The following ZFAND2B variants were observed in gnomAD, a reference collection of about 807,000 sequenced individuals.
The protein encoded by ZFAND2B is AN1-type zinc finger protein 2B.
A neutral mutation model predicts 38.2 loss-of-function variants in ZFAND2B; 27 were observed. The observed-to-expected ratio is 0.71, with a 90% CI of 0.52 to 0.97. The LOEUF is 0.97. Ranked by LOEUF, ZFAND2B falls within the 50% of genes least tolerant of loss-of-function variation. The pLI is 0.00. For synonymous variants in ZFAND2B, 111 were observed against 119.4 expected (o/e 0.93, Z 0.46); for missense variants, 303 against 331.5 (o/e 0.91, Z 0.67).
At position 219,208,262 on chromosome 2, in the gene ZFAND2B, T is replaced by A. The variant is rs1370952231; in HGVS notation, c.441T>A (p.Ala147=). 9 of 1,614,216 alleles carry A rather than the reference T, an allele frequency of 5.6e-6. No homozygotes were observed. Among genetic ancestry groups the A allele is most frequent in the Non-Finnish European group, 7.6e-6 (9 of 1,180,042 alleles). The change falls in exon 5 of 9, where the codon GCT becomes GCA. Residue 147 remains alanine (A), a synonymous_variant. Transcript: ENST00000289528. ...AAATCTCTCTTCCCTACAGACTTGC[T>A]GCCATCTCCAGAGCACAAGCTGTGG... The part of the protein sequence containing the change: ...EGHPTSRAGL[A]AISRAQAVAS...
Position 219,206,791 on chromosome 2 carries a change from C to CCG in ZFAND2B, c.-189_-188dup. 2 of 483,354 alleles carry CCG rather than the reference C, an allele frequency of 4.1e-6. No individual in the cohort carries two copies. The highest frequency in any genetic ancestry group is 7.0e-6 in the Non-Finnish European group (2 of 287,702). The allele number at this position is 483,354 out of a possible 1,614,324, so 29.9% of individuals were successfully genotyped here. A position where few individuals can be genotyped will look rare whatever the true frequency, so the allele number is the denominator to read the frequency against. The stretch of plus-strand genomic sequence containing the variant: ...AGCCCTGCGGGATGACGTCAGCGCG[C>CCG]CGCGCGCGCCGAGGGAGGAGCGGGC... On this transcript the variant is annotated 5_prime_UTR_variant, in exon 1 of 9. Coordinates refer to ENST00000289528, the MANE Select transcript of ZFAND2B (RefSeq NM_138802.3).
chr2:219,207,241 C>T lies in ZFAND2B; in HGVS notation c.56-86C>T, dbSNP rs536175952. 3.7e-3 allele frequency: 5,492 copies of T among 1,477,180 alleles called. 20 individuals carry two copies. The highest frequency in any genetic ancestry group is 0.01 in the South Asian group (916 of 88,242). The allele number at this position is 1,477,180 out of a possible 1,614,324, so 91.5% of individuals were successfully genotyped here. A position where few individuals can be genotyped will look rare whatever the true frequency, so the allele number is the denominator to read the frequency against. ...GGGCGGTGTGTCGAAAATAGGGTGG[C>T]GTTTTCCTTCCCGAGTGGAAGACTT... On this transcript the variant is annotated intron_variant, in intron 1 of 8. Transcript: ENST00000289528.
Position 219,207,692 on chromosome 2 carries a change from T to G in ZFAND2B, c.195T>G (p.Pro65=). 1.9e-6 allele frequency: 3 copies of G among 1,614,212 alleles called. No homozygotes were observed. Among genetic ancestry groups the G allele is most frequent in the Non-Finnish European group, 2.5e-6 (3 of 1,180,036 alleles). The change falls in exon 3 of 9, where the codon CCT becomes CCG. Residue 65 remains proline (P), a synonymous_variant. Transcript: ENST00000289528. ...PVCPLCNVPV[P]VARGEPPDRA... Reference sequence around the variant, plus strand: ...GCCCTCTCTGTAATGTGCCTGTGCCTGTGGCCAGAGGGGAGCCCCCTGACC... The same window carrying G: ...GCCCTCTCTGTAATGTGCCTGTGCCGGTGGCCAGAGGGGAGCCCCCTGACC...
intron 1 of ZFAND2B, 128 bp from the exon 2 acceptor site, chr2:219,207,199 G>A: frequency 7.2e-7 from 1 of 1,382,162 alleles, no homozygotes. Context: ...GGCCAAGGAG[G>A]TAATGGGCTT....
At position 219,207,712 on chromosome 2, in the gene ZFAND2B, CT is replaced by C. The variant is rs751687459; in HGVS notation, c.216del (p.Asp73ThrfsTer38). 6 of 1,614,068 alleles carry C rather than the reference CT, an allele frequency of 3.7e-6. No homozygotes were observed. In the Admixed American group the frequency reaches 5.0e-5, roughly 13 times the overall value. On this transcript the variant is annotated frameshift_variant, in exon 3 of 9. Transcript: ENST00000289528. LOFTEE classifies it high-confidence loss of function. Reference protein sequence around the residue: ...VPVPVARGEPPDRAVGEHIDR... With the variant: ...VPVPVARGEPXDRAVGEHIDR... ...GTGCCTGTGGCCAGAGGGGAGCCCC[CT>C]GACCGTGCTGTGGGAGAGCACATTG...
chr2:219,206,899 G>C lies in ZFAND2B; in HGVS notation c.-89G>C. The C allele has an allele frequency of 3.5e-6, 5 of 1,435,306 alleles. No individual in the cohort carries two copies. The highest frequency in any genetic ancestry group is 1.2e-5 in the South Asian group (1 of 81,582). The allele number at this position is 1,435,306 out of a possible 1,614,324, so 88.9% of individuals were successfully genotyped here. A position where few individuals can be genotyped will look rare whatever the true frequency, so the allele number is the denominator to read the frequency against. On this transcript the variant is annotated 5_prime_UTR_variant, in exon 1 of 9. Coordinates refer to ENST00000289528, the MANE Select transcript of ZFAND2B (RefSeq NM_138802.3). ...GGGGCGGGGCAGGGAGCCCGCCAGAGTGCGGGGTCGCGGTGCGGACTTCGA... is the reference window on the plus strand; with the variant it reads ...GGGGCGGGGCAGGGAGCCCGCCAGACTGCGGGGTCGCGGTGCGGACTTCGA...
rs747282133 is a variant in ZFAND2B at position 219,207,063 on chromosome 2, G to T, written c.55+21G>T. On this transcript the variant is annotated intron_variant, in intron 1 of 8. Coordinates refer to ENST00000289528, the MANE Select transcript of ZFAND2B (RefSeq NM_138802.3). Reference sequence around the variant, plus strand: ...CTTGGGTGAGGGGCGGAGCGCGCGGGGGGCGGGGCCCAGCGGACAGGGACT... The same window carrying T: ...CTTGGGTGAGGGGCGGAGCGCGCGGTGGGCGGGGCCCAGCGGACAGGGACT... 1.9e-5 allele frequency: 31 copies of T among 1,591,544 alleles called. 1 individual carries two copies. The highest frequency in any genetic ancestry group is 2.6e-5 in the Non-Finnish European group (30 of 1,169,098).
intron 3 of ZFAND2B, 36 bp downstream of exon 3, chr2:219,207,815 G>A (rs200730869): frequency 2.1e-4 from 333 of 1,613,434 alleles, no homozygotes; most frequent in Non-Finnish European, 2.7e-4. Flanking sequence ...ACCCAGCTGG[G>A]ACTACGGATG....
intron 1 of ZFAND2B, 93 bp from the exon 2 acceptor site, chr2:219,207,215 GGGGCGGTGTGTCGAAAATA>G (rs1298937322): frequency 2.8e-6 from 4 of 1,403,600 alleles, no homozygotes; most frequent in Non-Finnish European, 4.0e-6. Flanking sequence ...GGCTTGGGAA[GGGGCGGTGTGTCGAAAATA>G]GGGTGGCGTT....
At position 219,206,947 on chromosome 2, in the gene ZFAND2B, G is replaced by C. The variant is rs1950492175; in HGVS notation, c.-41G>C. The C allele has an allele frequency of 1.9e-6, 3 of 1,608,760 alleles. No individual in the cohort carries two copies. Among genetic ancestry groups the C allele is most frequent in the East Asian group, 2.2e-5 (1 of 44,640 alleles). ...CGAGCACGAGCCCTAAAGACGCTCAGCACTCGTCGCTTCTCCTAGCAGACC... is the reference window on the plus strand; with the variant it reads ...CGAGCACGAGCCCTAAAGACGCTCACCACTCGTCGCTTCTCCTAGCAGACC... On this transcript the variant is annotated 5_prime_UTR_variant, in exon 1 of 9. Coordinates refer to ENST00000289528, the MANE Select transcript of ZFAND2B (RefSeq NM_138802.3).
rs2106417735 is a variant in ZFAND2B at position 219,208,972 on chromosome 2, C to T, written c.657-5C>T. ...CATCCAACTTAAACTGTTTCTCCCT[C>T]CCAGTTGTCAGGAGGAAGAAGACCT... On this transcript the variant is annotated splice_polypyrimidine_tract_variant and splice_region_variant and intron_variant, in intron 7 of 8. Transcript: ENST00000289528. 2 of 1,614,108 alleles carry T rather than the reference C, an allele frequency of 1.2e-6. No individual in the cohort carries two copies. The highest frequency in any genetic ancestry group is 3.3e-5 in the Admixed American group (2 of 60,016).
chr2:219,208,849 G>A, intron 7 of ZFAND2B, 128 bp from the exon 8 acceptor site: 2 of 1,108,272 alleles, frequency 1.8e-6, no homozygotes, highest in East Asian at 2.4e-5. Flanking sequence ...TACCCACCTT[G>A]TAGTGTTGCT....
At position 219,206,904 on chromosome 2, in the gene ZFAND2B, G is replaced by A. The variant is rs933507549; in HGVS notation, c.-84G>A. 155 of 1,462,046 alleles carry A rather than the reference G, an allele frequency of 1.1e-4. No homozygotes were observed. The highest frequency in any genetic ancestry group is 1.4e-4 in the Non-Finnish European group (145 of 1,066,810). 90.6% of individuals were successfully genotyped at this position (1,462,046 alleles called of 1,614,324 possible). Reference sequence around the variant, plus strand: ...GGGGCAGGGAGCCCGCCAGAGTGCGGGGTCGCGGTGCGGACTTCGAGCACG... The same window carrying A: ...GGGGCAGGGAGCCCGCCAGAGTGCGAGGTCGCGGTGCGGACTTCGAGCACG... On this transcript the variant is annotated 5_prime_UTR_variant, in exon 1 of 9. Coordinates refer to ENST00000289528, the MANE Select transcript of ZFAND2B (RefSeq NM_138802.3).
Position 219,208,280 on chromosome 2 carries a change from A to G in ZFAND2B, c.459A>G (p.Gln153=), listed in dbSNP as rs1275630601. 4 of 1,614,194 alleles carry G rather than the reference A, an allele frequency of 2.5e-6. No homozygotes were observed. In the African/African-American group the frequency reaches 4.0e-5, roughly 16 times the overall value. The change falls in exon 5 of 9, where the codon CAA becomes CAG. Residue 153 remains glutamine, a synonymous_variant. Transcript: ENST00000289528. ...RAGLAAISRA[Q]AVASTSTVPS... is the part of the protein sequence containing the mutation. ...GACTTGCTGCCATCTCCAGAGCACA[A>G]GCTGTGGCTTCTACAAGCACTGTCC...
At chr2:219,208,093 C>G (rs1233227732) in intron 4 of ZFAND2B, 55 bp downstream of exon 4, 53 of 1,612,306 alleles carry the variant, frequency 3.3e-5, no homozygotes, top group Non-Finnish European at 4.1e-5. Flanking sequence ...TTGGAACTGA[C>G]TCAAGCTCTG....
chr2:219,207,053 G>T lies in ZFAND2B; in HGVS notation c.55+11G>T. The T allele has an allele frequency of 6.3e-7, 1 of 1,598,558 alleles. No homozygotes were observed. Among genetic ancestry groups the T allele is most frequent in the Non-Finnish European group, 8.5e-7 (1 of 1,172,922 alleles). ...GCTGTCAGCGCTTGGGTGAGGGGCG[G>T]AGCGCGCGGGGGGCGGGGCCCAGCG... On this transcript the variant is annotated intron_variant, in intron 1 of 8. Coordinates refer to ENST00000289528, the MANE Select transcript of ZFAND2B (RefSeq NM_138802.3).
chr2:219,207,925 G>A lies in ZFAND2B; in HGVS notation c.321G>A (p.Gln107=), dbSNP rs1247962609. The A allele has an allele frequency of 6.2e-7, 1 of 1,614,136 alleles. No homozygotes were observed. ...TNKCERAGCR[Q]REMMKLTCER... is the part of the protein sequence containing the mutation. ...AGTGTGAACGCGCTGGCTGCCGGCA[G>A]CGAGAAATGATGAAACTGACCTGTG... The change falls in exon 4 of 9, where the codon CAG becomes CAA. Residue 107 remains glutamine, a synonymous_variant. Coordinates refer to ENST00000289528, the MANE Select transcript of ZFAND2B (RefSeq NM_138802.3).
Position 219,208,927 on chromosome 2 carries a change from C to G in ZFAND2B, c.657-50C>G, listed in dbSNP as rs370942020. The G allele has an allele frequency of 1.9e-5, 30 of 1,589,292 alleles. No individual in the cohort carries two copies. The African/African-American group carries it at 3.5e-4, about 18-fold the overall frequency. On this transcript the variant is annotated intron_variant, in intron 7 of 8. Transcript: ENST00000289528. ...GCCCAACACACACAGATCAGATGTTCAAATTTCAGATCTTACCATCATCCA... is the reference window on the plus strand; with the variant it reads ...GCCCAACACACACAGATCAGATGTTGAAATTTCAGATCTTACCATCATCCA...
chr2:219,206,969 G>T lies in ZFAND2B; in HGVS notation c.-19G>T. The T allele has an allele frequency of 1.9e-6, 3 of 1,612,246 alleles. No individual in the cohort carries two copies. The highest frequency in any genetic ancestry group is 1.1e-5 in the South Asian group (1 of 90,794). ...TCAGCACTCGTCGCTTCTCCTAGCA[G>T]ACCCTGCCCGGCTTGGCGATGGAGT... On this transcript the variant is annotated 5_prime_UTR_variant, in exon 1 of 9. Transcript: ENST00000289528.
Sources: allele counts gnomAD v4.1 joint callset, GRCh38; gene constraint gnomAD v4.1.1; transcripts MANE v1.5; gene names NCBI Gene and HGNC (gene_info 2026-07-23, HGNC 2026-07-21).